Variants in BIRC6 observed in about 807,000 individuals in gnomAD.
BIRC6 encodes the protein baculoviral IAP repeat containing 6, also known as dual E2 ubiquitin-conjugating enzyme/E3 ubiquitin-protein ligase BIRC6.
A neutral mutation model predicts 503.3 loss-of-function variants in BIRC6; 98 were observed. The ratio of observed to expected loss-of-function variants is 0.19; its 90% CI spans 0.17 to 0.23. BIRC6 has a LOEUF of 0.23. Among genes scored for constraint, BIRC6 ranks in the 10% least tolerant of loss-of-function variants. BIRC6 has a pLI of 1.00. For synonymous variants in BIRC6, 2,240 were observed against 2,078.7 expected (o/e 1.08, Z -2.11); for missense variants, 5,360 against 5,806.0 (o/e 0.92, Z 2.50).
chr2:32,449,774 C>T (rs549331232), intron 22 of BIRC6, among the ~76,000 whole-genome samples: 5 of 152,314 alleles, frequency 3.3e-5, no homozygotes, highest in African/African-American at 9.6e-5. Context: ...CTATTGTTAA[C>T]TGGATGTTTA....
chr2:32,439,816 C>A, intron 16 of BIRC6, 130 bp downstream of exon 16: 3 of 728,234 alleles, frequency 4.1e-6, no homozygotes, highest in Non-Finnish European at 6.3e-6. Context: ...TGTATTTTGT[C>A]TTTGGAGTGA....
At position 32,448,905 on chromosome 2, in the gene BIRC6, T is replaced by C. The variant is rs199821529; in HGVS notation, c.4595T>C (p.Ile1532Thr). 5 of 1,612,996 alleles carry C rather than the reference T, an allele frequency of 3.1e-6. No individual in the cohort carries two copies. The highest frequency in any genetic ancestry group is 2.2e-5 in the East Asian group (1 of 44,830). ...AGCATTGGTGTCCAGTCAGATGAAA[T>C]TGATTTATCAGATGTCCTTTCAGGT... is the stretch of plus-strand genomic sequence containing the variant. ...NSSIGVQSDEIDLSDVLSGNG... is the reference protein window; with the variant it reads ...NSSIGVQSDETDLSDVLSGNG... The change falls in exon 22 of 74, where the codon ATT (isoleucine) becomes ACT (threonine). Residue 1532 changes from isoleucine to threonine, a missense_variant. Transcript: ENST00000421745.
At chr2:32,494,374 C>T (rs1422121954) in intron 45 of BIRC6, among the ~76,000 whole-genome samples, 4 of 151,350 alleles carry the variant, frequency 2.6e-5, no homozygotes, top group Non-Finnish European at 4.4e-5. Context: ...ATTACAGGCA[C>T]GCACCACCAC....
At chr2:32,375,007 T>G (rs969030274) in intron 1 of BIRC6, among the ~76,000 whole-genome samples, 1 of 152,202 alleles carries the variant, frequency 6.6e-6, no homozygotes, top group Non-Finnish European at 1.5e-5. Context: ...ATGGTATTAT[T>G]TAGGCTTTTG....
intron 65 of BIRC6, among the ~76,000 whole-genome samples, chr2:32,561,870 C>T (rs1383137017): frequency 5.3e-5 from 8 of 151,248 alleles, no homozygotes; most frequent in Admixed American, 3.3e-4. Flanking sequence ...GGTGAAACCC[C>T]GTCTTTACTA....
At chr2:32,564,997 C>T (rs1415827674) in intron 65 of BIRC6, 3 of 152,032 alleles carry the variant, frequency 2.0e-5, no homozygotes, top group African/African-American at 7.2e-5. Context: ...AGTTTTAGTA[C>T]ATTTTCTTGA....
intron 47 of BIRC6, among the ~76,000 whole-genome samples, 162 bp downstream of exon 47, chr2:32,502,050 A>G (rs958898336): frequency 1.3e-5 from 2 of 152,198 alleles, no homozygotes; most frequent in Non-Finnish European, 2.9e-5. Flanking sequence ...TTGGAGAATA[A>G]AGTTTCTTTG....
rs2055282771 is a variant in BIRC6, at chr2:32,518,320, G to A, written c.11416G>A (p.Gly3806Arg). 6.2e-7 allele frequency: 1 copy of A among 1,610,806 alleles called. No homozygotes were observed. The highest frequency in any genetic ancestry group is 1.7e-5 in the Admixed American group (1 of 59,096). The change falls in exon 56 of 74, where the codon GGG (glycine) becomes AGG (arginine). Residue 3806 changes from glycine (G) to arginine (R), a missense_variant. Coordinates refer to ENST00000421745, the MANE Select transcript of BIRC6 (RefSeq NM_016252.4). ...GNLPTSGNIS[G>R]FIRRLFLQLM... The stretch of plus-strand genomic sequence containing the variant: ...CCTTCCAACATCTGGGAACATTTCA[G>A]GGTTTATACGAAGATTATTTTTACA...
chr2:32,577,842 A>G (rs959502387), intron 66 of BIRC6, among the ~76,000 whole-genome samples: 1 of 152,178 alleles, frequency 6.6e-6, no homozygotes, highest in East Asian at 1.9e-4. Flanking sequence ...ACCGGATGAA[A>G]TTATTCCATT....
chr2:32,395,198 G>C lies in BIRC6; in HGVS notation c.952-313G>C, dbSNP rs148053108. On this transcript the variant is annotated intron_variant, in intron 5 of 73. Transcript: ENST00000421745. ...CAACAGAAACAAATAGTGTAAACCA[G>C]CCAGACTCTTTCTCTTATACTTAAT... 3.9e-3 allele frequency among the ~76,000 whole-genome samples: 595 copies of C among 152,164 alleles called. 6 individuals are homozygous for C. Among genetic ancestry groups the C allele is most frequent in the African/African-American group, 0.014 (568 of 41,532 alleles).
chr2:32,368,930 G>A (rs1168078487), intron 1 of BIRC6, among the ~76,000 whole-genome samples: 2 of 152,178 alleles, frequency 1.3e-5, no homozygotes, highest in Non-Finnish European at 1.5e-5. Context: ...GGGATTACAG[G>A]TGTGAGCCAC....
In BIRC6 at chr2:32,618,124, T is replaced by G. The variant is rs2063353393; in HGVS notation, c.*220T>G. 2.0e-5 allele frequency: 8 copies of G among 396,084 alleles called. No individual in the cohort carries two copies. In the East Asian group the frequency reaches 2.9e-4, roughly 15 times the overall value. 24.5% of individuals were successfully genotyped at this position (396,084 alleles called of 1,614,324 possible). A position where few individuals can be genotyped will look rare whatever the true frequency, so the allele number is the denominator to read the frequency against. Reference sequence around the variant, plus strand: ...TTTTTCAATTGTGAGAACCACTGATTGGTATGTTCAACAAATTTGTGTATA... The same window carrying G: ...TTTTTCAATTGTGAGAACCACTGATGGGTATGTTCAACAAATTTGTGTATA... On this transcript the variant is annotated 3_prime_UTR_variant, in exon 74 of 74. Coordinates refer to ENST00000421745, the MANE Select transcript of BIRC6 (RefSeq NM_016252.4).
At chr2:32,578,441 G>A (rs556966247) in intron 66 of BIRC6, among the ~76,000 whole-genome samples, 1 of 152,224 alleles carries the variant, frequency 6.6e-6, no homozygotes, top group Non-Finnish European at 1.5e-5. Flanking sequence ...TTCTGTTAAT[G>A]TATCACTTTC....
chr2:32,372,060 C>T (rs968718928), intron 1 of BIRC6, among the ~76,000 whole-genome samples: 1 of 152,150 alleles, frequency 6.6e-6, no homozygotes, highest in Non-Finnish European at 1.5e-5. Flanking sequence ...CCGCCTCGGC[C>T]TCTTGAAGTG....
At position 32,421,155 on chromosome 2, in the gene BIRC6, G is replaced by A. The variant is rs72798780; in HGVS notation, c.2872+4992G>A. ...CACAGAGTTTCACTGTCGCCAGGCT[G>A]GACTGCAGTGGCTCGATCTTGGCTA... is the stretch of plus-strand genomic sequence containing the variant. On this transcript the variant is annotated intron_variant, in intron 10 of 73. Transcript: ENST00000421745. 2.0e-5 allele frequency among the ~76,000 whole-genome samples: 3 copies of A among 147,066 alleles called. No individual in the cohort carries two copies. The Admixed American group carries it at 2.0e-4, about 10-fold the overall frequency.
intron 61 of BIRC6, among the ~76,000 whole-genome samples, chr2:32,541,252 A>G (rs1210484218): frequency 1.3e-5 from 2 of 152,100 alleles, no homozygotes; most frequent in Non-Finnish European, 2.9e-5. Flanking sequence ...GGGTTTCAAA[A>G]TGGTTTAGAA....
At chr2:32,469,354 C>T in intron 29 of BIRC6, 41 bp from the exon 30 acceptor site, 1 of 1,451,782 alleles carries the variant, frequency 6.9e-7, no homozygotes, top group Non-Finnish European at 9.5e-7. Flanking sequence ...TTATACAATA[C>T]ATTTAAATAG....
In BIRC6 at chr2:32,415,332, C is replaced by G. The variant is rs2042279022; in HGVS notation, c.2041C>G (p.Gln681Glu). ...GGATAGTCAGGAGCAGTTGTTATTG[C>G]AGGATCCTCCTGTGACTTACATTCA... ...ELDSQEQLLL[Q>E]DPPVTYIQQF... The change falls in exon 10 of 74, where the codon CAG (glutamine) becomes GAG (glutamate). Residue 681 changes from glutamine to glutamate, a missense_variant. Physicochemically the swap from Gln to Glu is conservative, Grantham distance 29. This residue lies in a region of BIRC6 where 700 missense variants were observed against 739.3 expected (regional missense o/e 0.95). Coordinates refer to ENST00000421745, the MANE Select transcript of BIRC6 (RefSeq NM_016252.4). 6.2e-7 allele frequency: 1 copy of G among 1,613,884 alleles called. No individual in the cohort carries two copies. The highest frequency in any genetic ancestry group is 1.3e-5 in the African/African-American group (1 of 74,934).
At chr2:32,603,627 G>A (rs2151574100) in intron 71 of BIRC6, among the ~76,000 whole-genome samples, 1 of 152,256 alleles carries the variant, frequency 6.6e-6, no homozygotes, top group Non-Finnish European at 1.5e-5. Context: ...GCGCCTCTGA[G>A]GTAGGAGAAT....
Sources: allele counts gnomAD v4.1 joint callset (sites outside exome capture counted in the v4.1 genomes callset), GRCh38; gene constraint gnomAD v4.1.1; regional missense constraint gnomAD v4.1.1; transcripts MANE v1.5; gene names NCBI Gene and HGNC (gene_info 2026-07-23, HGNC 2026-07-21).